Variants in MAK observed in about 807,000 individuals in gnomAD.
The protein encoded by MAK is serine/threonine-protein kinase MAK.
In MAK, 65 loss-of-function variants were observed where a neutral mutation model predicts 82.6. The ratio of observed to expected loss-of-function variants is 0.79; its 90% confidence interval spans 0.64 to 0.97. The LOEUF (loss-of-function observed/expected upper bound fraction) is 0.97. Ranked by LOEUF, MAK falls within the 50% of genes least tolerant of loss-of-function variation. The probability of loss-of-function intolerance (pLI) is 0.00; values close to 1 mark genes in which losing one functional copy is unlikely to be tolerated. For synonymous variants in MAK, 250 were observed against 274.2 expected (o/e 0.91, Z 0.87); for missense variants, 703 against 780.2 (o/e 0.90, Z 1.18).
chr6:10,781,580 C>T (rs181944059), intron 11 of MAK, among the ~76,000 whole-genome samples: 173 of 152,020 alleles, frequency 1.1e-3, no homozygotes, highest in African/African-American at 3.8e-3. Flanking sequence ...CCCAACACCA[C>T]GCCCGGCTAA....
chr6:10,780,985 G>A (rs1259749568), intron 11 of MAK, among the ~76,000 whole-genome samples: 1 of 152,010 alleles, frequency 6.6e-6, no homozygotes, highest in African/African-American at 2.4e-5. Flanking sequence ...CCCCAACCCT[G>A]GTCTTGATCC....
intron 14 of MAK, among the ~76,000 whole-genome samples, chr6:10,766,181 A>T (rs1772417068): frequency 6.6e-6 from 1 of 152,212 alleles, no homozygotes. Flanking sequence ...AAGTGTTAAT[A>T]CTGAAATGAA....
In MAK at chr6:10,776,321, A is replaced by G. The variant is rs1455225685; in HGVS notation, c.1466-862T>C. Among the ~76,000 whole-genome samples, 1 of 152,170 alleles carries G rather than the reference A, an allele frequency of 6.6e-6. No individual in the cohort carries two copies. The highest frequency in any genetic ancestry group is 1.5e-5 in the Non-Finnish European group (1 of 68,020). On this transcript the variant is annotated intron_variant, in intron 11 of 14. Coordinates refer to ENST00000354489, the MANE Select transcript of MAK (RefSeq NM_001242957.3). The surrounding 1 kb of genome is among the most constrained non-coding windows in gnomAD (Gnocchi z 4.3). Reference sequence around the variant, plus strand: ...ATGTACTTGGAAAAAGAACAGTTTAAATTACTTATGATTTTCTGAAATCTG... The same window carrying G: ...ATGTACTTGGAAAAAGAACAGTTTAGATTACTTATGATTTTCTGAAATCTG...
At chr6:10,811,535 A>G (rs558262642) in intron 5 of MAK, among the ~76,000 whole-genome samples, 25 of 152,364 alleles carry the variant, frequency 1.6e-4, no homozygotes, top group African/African-American at 5.5e-4. Flanking sequence ...CGTTGCTGAC[A>G]GCATAAATCA....
At chr6:10,770,778 T>G (rs1311347389) in intron 13 of MAK, among the ~76,000 whole-genome samples, 1 of 152,222 alleles carries the variant, frequency 6.6e-6, no homozygotes, top group Admixed American at 6.5e-5. Flanking sequence ...ATCATCACTA[T>G]TGGTGAATGC....
chr6:10,770,339 CTA>C (rs1195514711), intron 13 of MAK, 109 bp from the exon 14 acceptor site: 2 of 1,323,932 alleles, frequency 1.5e-6, no homozygotes, highest in African/African-American at 1.4e-5. Context: ...TCAGCATCTA[CTA>C]TGTTTTAGGC....
At chr6:10,784,778 C>CCAGA (rs3215489) in intron 10 of MAK, 556,414 of 684,004 alleles carry the variant, frequency 0.81, 227,644 homozygotes, top group African/African-American at 0.96. Context: ...ATTTCTGATA[C>CCAGA]CAGTATGTGA....
At chr6:10,827,349 T>C (rs1329350316) in intron 2 of MAK, among the ~76,000 whole-genome samples, 1 of 152,196 alleles carries the variant, frequency 6.6e-6, no homozygotes, top group Non-Finnish European at 1.5e-5. Context: ...TGTATATGGA[T>C]GTATTTGTAT....
rs754916169 is a variant in MAK at position 10,830,570 on chromosome 6, C to T, written c.79G>A (p.Gly27Arg). The part of the protein sequence containing the change: ...SVLMGKSNES[G>R]ELVAIKRMKR... ...TACCTTTTGATGGCCACCAGCTCCC[C>T]GGATTCATTACTCTTGCCCATAAGC... Residue 27 changes from glycine to arginine, a missense_variant, in exon 2 of 15, where the codon GGG (glycine) becomes AGG (arginine). Gly to Arg is a moderately radical substitution (Grantham distance 125, BLOSUM62 -2). Coordinates refer to ENST00000354489, the MANE Select transcript of MAK (RefSeq NM_001242957.3). The T allele has an allele frequency of 1.9e-5, 31 of 1,613,896 alleles. No homozygotes were observed. The highest frequency in any genetic ancestry group is 5.0e-5 in the Admixed American group (3 of 59,988).
At chr6:10,835,258 G>A (rs1188798150) in intron 1 of MAK, among the ~76,000 whole-genome samples, 3 of 152,116 alleles carry the variant, frequency 2.0e-5, no homozygotes, top group Non-Finnish European at 4.4e-5. Flanking sequence ...ATCTTTCTAC[G>A]ATTTTTCCCA....
At chr6:10,797,911 T>A in intron 8 of MAK, 1 of 1,268,818 alleles carries the variant, frequency 7.9e-7, no homozygotes, top group Non-Finnish European at 1.0e-6. Context: ...TGTTAAGGGT[T>A]ACTTGCATTC....
intron 8 of MAK, among the ~76,000 whole-genome samples, chr6:10,798,578 T>C (rs1775757213): frequency 6.6e-6 from 1 of 152,110 alleles, no homozygotes; most frequent in Admixed American, 6.5e-5. Context: ...AATAAAAATT[T>C]AACACCCAGA....
rs746014214 is a variant in MAK, at chr6:10,808,944, TTGA to T, written c.359-5_359-3del. On this transcript the variant is annotated splice_polypyrimidine_tract_variant and splice_region_variant and intron_variant, in intron 5 of 14. Transcript: ENST00000354489. Reference sequence around the variant, plus strand: ...GTTTCATGTCCCTATGAAAAAAGCCTTGATGATATACGGAGAAAAAAAAATACA... The same window carrying T: ...GTTTCATGTCCCTATGAAAAAAGCCTTGATATACGGAGAAAAAAAAATACA... The T allele has an allele frequency of 5.4e-4, 867 of 1,612,386 alleles. 2 individuals are homozygous for T. Among genetic ancestry groups the T allele is most frequent in the Non-Finnish European group, 7.1e-4 (839 of 1,178,596 alleles).
At chr6:10,813,130 ATATAAATTTTTTTTTT>A (rs1777165074) in intron 5 of MAK, among the ~76,000 whole-genome samples, 3 of 770 alleles carry the variant, frequency 3.9e-3, no homozygotes, top group African/African-American at 7.5e-3. Context: ...ATATATATAT[ATATAAATTTTTTTTTT>A]TTTTTTTTTT....
chr6:10,807,488 C>A (rs111679814), intron 6 of MAK, among the ~76,000 whole-genome samples: 1 of 151,424 alleles, frequency 6.6e-6, no homozygotes, highest in African/African-American at 2.4e-5. Context: ...CACCAAGGCG[C>A]GTGACACCAC....
At chr6:10,784,683 C>G (rs1430909493) in intron 10 of MAK, 111 bp from the exon 11 acceptor site, 4 of 717,248 alleles carry the variant, frequency 5.6e-6, no homozygotes, top group Non-Finnish European at 8.8e-6. Context: ...GTCAATCTGA[C>G]CTCACTTAAA....
At chr6:10,804,279 T>C (rs1195966081) in intron 6 of MAK, among the ~76,000 whole-genome samples, 1 of 152,092 alleles carries the variant, frequency 6.6e-6, no homozygotes, top group Non-Finnish European at 1.5e-5. Context: ...GATTATATCC[T>C]GAGTAGTGGA....
chr6:10,775,772 CACG>C (rs1314137890), intron 11 of MAK, among the ~76,000 whole-genome samples: 5 of 152,072 alleles, frequency 3.3e-5, no homozygotes, highest in South Asian at 2.1e-4. Flanking sequence ...TCTTCAACAA[CACG>C]ACGTTTTTTT....
chr6:10,821,963 G>T (rs760920312), intron 2 of MAK, among the ~76,000 whole-genome samples: 35 of 150,982 alleles, frequency 2.3e-4, no homozygotes, highest in Non-Finnish European at 3.2e-4. Flanking sequence ...CTGGGTAACA[G>T]GGTGAAACCC....
Sources: gnomAD v4.1 joint callset for allele counts (sites outside exome capture counted in the v4.1 genomes callset) on GRCh38, gnomAD v4.1.1 for gene constraint, Gnocchi (gnomAD v3.1) non-coding constraint, MANE v1.5 for transcripts, NCBI Gene and HGNC (gene_info 2026-07-23, HGNC 2026-07-21) for gene names.